The following ITPR1 variants were observed in gnomAD, a reference collection of about 807,000 sequenced individuals.
The protein encoded by ITPR1 is inositol 1,4,5-trisphosphate-gated calcium channel ITPR1.
ITPR1 carries 96 observed loss-of-function variants against 318.4 expected under a neutral mutation model. The observed-to-expected ratio is 0.30, with a 90% confidence interval of 0.26 to 0.36. ITPR1 has a LOEUF of 0.36. Ranked by LOEUF, ITPR1 falls within the 10% of genes least tolerant of loss-of-function variation. The probability of loss-of-function intolerance (pLI) is 1.00; values close to 1 mark genes in which losing one functional copy is unlikely to be tolerated. For missense variants in ITPR1, 2,440 were observed against 3,460.2 expected (o/e 0.71, Z 7.40); for synonymous variants, 1,312 against 1,289.9 (o/e 1.02, Z -0.37).
chr3:4,707,259 C>T (rs1038654642), intron 37 of ITPR1, among the ~76,000 whole-genome samples: 22 of 152,244 alleles, frequency 1.4e-4, no homozygotes, highest in African/African-American at 5.3e-4. Flanking sequence ...TGGAGGTTGA[C>T]TGGGCTCCGC....
intron 2 of ITPR1, among the ~76,000 whole-genome samples, chr3:4,513,615 T>C (rs1479130302): frequency 1.3e-5 from 2 of 152,230 alleles, no homozygotes; most frequent in African/African-American, 2.4e-5. Flanking sequence ...GGTTAGAAGA[T>C]GCTTAATTTT....
intron 45 of ITPR1, chr3:4,768,264 G>C (rs183664145): frequency 5.8e-4 from 229 of 395,484 alleles, no homozygotes; most frequent in Middle Eastern, 3.3e-3. Context: ...CCTGTGCTGA[G>C]GCTTTTCCTC....
chr3:4,651,470 G>A (rs1438623513), intron 10 of ITPR1, among the ~76,000 whole-genome samples: 1 of 152,158 alleles, frequency 6.6e-6, no homozygotes, highest in Non-Finnish European at 1.5e-5. Context: ...CAAAGCAATA[G>A]CCAAGCTGGC....
At chr3:4,748,249 G>C (rs1405558103) in intron 44 of ITPR1, among the ~76,000 whole-genome samples, 12 of 152,160 alleles carry the variant, frequency 7.9e-5, no homozygotes, top group African/African-American at 2.4e-4. Flanking sequence ...AGTTACATGA[G>C]TACAATGTGA....
chr3:4,701,301 C>T (rs1347218253), intron 35 of ITPR1, among the ~76,000 whole-genome samples: 1 of 152,214 alleles, frequency 6.6e-6, no homozygotes, highest in East Asian at 1.9e-4. Context: ...CTGCTTCCTT[C>T]ACAGGGTGAT....
chr3:4,773,075 T>A (rs982878870), intron 46 of ITPR1, among the ~76,000 whole-genome samples: 1 of 152,234 alleles, frequency 6.6e-6, no homozygotes, highest in African/African-American at 2.4e-5. Context: ...GTCAACGTGG[T>A]CCTTGGTGAG....
intron 61 of ITPR1, among the ~76,000 whole-genome samples, chr3:4,842,315 T>C (rs1559995433): frequency 1.3e-5 from 2 of 152,246 alleles, no homozygotes; most frequent in African/African-American, 4.8e-5. Flanking sequence ...ACAGCATTAC[T>C]ACAACTGTTT....
chr3:4,641,378 T>C (rs906720498), intron 6 of ITPR1, among the ~76,000 whole-genome samples: 5 of 152,220 alleles, frequency 3.3e-5, no homozygotes, highest in Non-Finnish European at 5.9e-5. Context: ...TGCATTTTAT[T>C]TTATTTAATT....
intron 4 of ITPR1, among the ~76,000 whole-genome samples, chr3:4,549,359 C>CA (rs938050924): frequency 6.6e-6 from 1 of 152,020 alleles, no homozygotes; most frequent in Non-Finnish European, 1.5e-5. Context: ...TTTTCTGTGG[C>CA]AAAAAATAAA....
At chr3:4,590,086 A>G (rs1194451594) in intron 4 of ITPR1, among the ~76,000 whole-genome samples, 1 of 149,264 alleles carries the variant, frequency 6.7e-6, no homozygotes, top group Non-Finnish European at 1.5e-5. Context: ...CACAGATGCC[A>G]CCACCCCTGA....
chr3:4,545,982 A>C (rs958986113), intron 4 of ITPR1, among the ~76,000 whole-genome samples: 1 of 152,090 alleles, frequency 6.6e-6, no homozygotes, highest in African/African-American at 2.4e-5. Flanking sequence ...CAGGCGTGAC[A>C]TGTGATCTTG....
At chr3:4,761,575 G>A (rs184138221) in intron 44 of ITPR1, among the ~76,000 whole-genome samples, 5 of 152,254 alleles carry the variant, frequency 3.3e-5, no homozygotes, top group East Asian at 1.9e-4. Context: ...TCCCAGTCTG[G>A]GCCAGGTTTA....
intron 34 of ITPR1, among the ~76,000 whole-genome samples, chr3:4,699,276 G>A (rs1027833529): frequency 1.5e-4 from 23 of 151,994 alleles, no homozygotes; most frequent in African/African-American, 5.6e-4. Flanking sequence ...AGAATCACTT[G>A]AACCTGGAAA....
chr3:4,561,318 T>C (rs1484622564), intron 4 of ITPR1, among the ~76,000 whole-genome samples: 1 of 152,196 alleles, frequency 6.6e-6, no homozygotes, highest in Non-Finnish European at 1.5e-5. Flanking sequence ...TGTCTACCTG[T>C]ACTGTCCTAA....
In ITPR1 at chr3:4,580,026, C is replaced by T. The variant is rs568718809; in HGVS notation, c.164-47737C>T. 2.3e-4 allele frequency among the ~76,000 whole-genome samples: 35 copies of T among 152,188 alleles called. 2 individuals are homozygous for T. Among genetic ancestry groups the T allele is most frequent in the Admixed American group, 1.5e-3 (23 of 15,288 alleles). Reference sequence around the variant, plus strand: ...GAGATCGAGACCATCCTGGCTAACACGGTGAAACCCTGTCTCTACTAAAAA... The same window carrying T: ...GAGATCGAGACCATCCTGGCTAACATGGTGAAACCCTGTCTCTACTAAAAA... On this transcript the variant is annotated intron_variant, in intron 4 of 61. Coordinates refer to ENST00000649015, the MANE Select transcript of ITPR1 (RefSeq NM_001378452.1).
intron 2 of ITPR1, among the ~76,000 whole-genome samples, chr3:4,496,341 A>G (rs1434801674): frequency 6.6e-6 from 1 of 151,270 alleles, no homozygotes; most frequent in African/African-American, 2.4e-5. Context: ...GTGTGTATGC[A>G]TATGTACACT....
Position 4,542,515 on chromosome 3 carries a change from G to T in ITPR1, c.163+21421G>T, listed in dbSNP as rs180902546. ...GGGAATTTCCTATATATGTTAATTA[G>T]GGTGACAAACGAGTATGAGGGTAAC... is the stretch of plus-strand genomic sequence containing the variant. On this transcript the variant is annotated intron_variant, in intron 4 of 61. Coordinates refer to ENST00000649015, the MANE Select transcript of ITPR1 (RefSeq NM_001378452.1). 2.0e-5 allele frequency among the ~76,000 whole-genome samples: 3 copies of T among 152,236 alleles called. No individual in the cohort carries two copies. The East Asian group carries it at 5.8e-4, about 29-fold the overall frequency.
intron 58 of ITPR1, 34 bp downstream of exon 58, chr3:4,814,596 G>A: frequency 8.0e-7 from 1 of 1,249,436 alleles, no homozygotes; most frequent in Non-Finnish European, 1.1e-6. Flanking sequence ...AAGGGCAAAG[G>A]GGGCGGGTGG....
chr3:4,779,693 G>A lies in ITPR1; in HGVS notation c.6387+48G>A, dbSNP rs763130601. ...TGGTAGCACCAAGGAGCATTGCGACGATATTTGGGACAGAGCAGAGGATCT... is the reference window on the plus strand; with the variant it reads ...TGGTAGCACCAAGGAGCATTGCGACAATATTTGGGACAGAGCAGAGGATCT... On this transcript the variant is annotated intron_variant, in intron 49 of 61. Transcript: ENST00000649015. The surrounding 1 kb of genome is among the most constrained non-coding windows in gnomAD (Gnocchi z 4.0). The A allele has an allele frequency of 1.1e-5, 14 of 1,318,734 alleles. No homozygotes were observed. Among genetic ancestry groups the A allele is most frequent in the Non-Finnish European group, 8.7e-6 (8 of 914,314 alleles). The allele number at this position is 1,318,734 out of a possible 1,614,324, so 81.7% of individuals were successfully genotyped here.
Sources: gnomAD v4.1 joint callset for allele counts (sites outside exome capture counted in the v4.1 genomes callset) on GRCh38, gnomAD v4.1.1 for gene constraint, Gnocchi (gnomAD v3.1) non-coding constraint, MANE v1.5 for transcripts, NCBI Gene and HGNC (gene_info 2026-07-23, HGNC 2026-07-21) for gene names.